Variants in ST3GAL1 observed in about 807,000 individuals in gnomAD.
The protein encoded by ST3GAL1 is CMP-N-acetylneuraminate-beta-galactosamide-alpha-2,3-sialyltransferase 1.
A neutral mutation model predicts 34.1 loss-of-function variants in ST3GAL1; 16 were observed. That is an observed-to-expected ratio of 0.47 (90% confidence interval 0.32 to 0.71). ST3GAL1 has a LOEUF of 0.71. Among genes scored for constraint, ST3GAL1 ranks in the 30% least tolerant of loss-of-function variants. The probability of loss-of-function intolerance (pLI) is 0.04; values close to 1 mark genes in which losing one functional copy is unlikely to be tolerated. For synonymous variants in ST3GAL1, 191 were observed against 184.7 expected (o/e 1.03, Z -0.28); for missense variants, 353 against 447.4 (o/e 0.79, Z 1.90).
At chr8:133,533,202 C>T (rs1268597998) in intron 2 of ST3GAL1, among the ~76,000 whole-genome samples, 1 of 152,126 alleles carries the variant, frequency 6.6e-6, no homozygotes, top group Non-Finnish European at 1.5e-5. Flanking sequence ...AATTCCAAAC[C>T]TCAGAGTTGT....
At position 133,467,088 on chromosome 8, in the gene ST3GAL1, C is replaced by A. The variant is rs974295116; in HGVS notation, c.307-998G>T. Among the ~76,000 whole-genome samples, 1 of 148,766 alleles carries A rather than the reference C, an allele frequency of 6.7e-6. No homozygotes were observed. The highest frequency in any genetic ancestry group is 6.7e-5 in the Admixed American group (1 of 14,862). On this transcript the variant is annotated intron_variant, in intron 5 of 9. Transcript: ENST00000522652. The surrounding 1 kb of genome is among the most constrained non-coding windows in gnomAD (Gnocchi z 4.2). ...TCAGCCTGGGTGACAGAGCGAGACT[C>A]CAACTCGAAAAAAAAAAAAAAAAGA...
intron 2 of ST3GAL1, among the ~76,000 whole-genome samples, chr8:133,538,051 C>T (rs989048619): frequency 2.0e-5 from 3 of 152,134 alleles, no homozygotes; most frequent in South Asian, 2.1e-4. Flanking sequence ...GAGGGCACTG[C>T]GGAACCATGG....
At chr8:133,513,181 C>A (rs1432023458) in intron 2 of ST3GAL1, among the ~76,000 whole-genome samples, 1 of 152,178 alleles carries the variant, frequency 6.6e-6, no homozygotes. Context: ...TGGAGTGCTA[C>A]CCCCACCCCA....
rs1815727259 is a variant in ST3GAL1, at chr8:133,466,145, G to A, written c.307-55C>T. The stretch of plus-strand genomic sequence containing the variant: ...CTGGCTTTGTGGCTCCAGCCTCCTG[G>A]CAGCAGAGCCCCTGAGCTACCTGCT... On this transcript the variant is annotated intron_variant, in intron 5 of 9. Transcript: ENST00000522652. The surrounding 1 kb of genome is among the most constrained non-coding windows in gnomAD (Gnocchi z 4.4). 1 of 1,549,764 alleles carries A rather than the reference G, an allele frequency of 6.5e-7. No homozygotes were observed. The highest frequency in any genetic ancestry group is 2.3e-5 in the East Asian group (1 of 43,994).
In ST3GAL1 at chr8:133,541,056, CATAT is replaced by C. The variant is rs370560450; in HGVS notation, c.-429+4714_-429+4717del. Among the ~76,000 whole-genome samples, 84 of 48,372 alleles carry C rather than the reference CATAT, an allele frequency of 1.7e-3. 4 individuals carry two copies. Among genetic ancestry groups the C allele is most frequent in the Middle Eastern group, 0.019 (1 of 54 alleles). 31.7% of individuals were successfully genotyped at this position (48,372 alleles called of 152,430 possible). A position where few individuals can be genotyped will look rare whatever the true frequency, so the allele number is the denominator to read the frequency against. ...AGACATATATAGACATATATATAGA[CATAT>C]ATATATAGACATATATATAGACATA... is the stretch of plus-strand genomic sequence containing the variant. On this transcript the variant is annotated intron_variant, in intron 2 of 9. Transcript: ENST00000522652.
At chr8:133,505,690 C>T (rs1045514263) in intron 2 of ST3GAL1, among the ~76,000 whole-genome samples, 2 of 151,834 alleles carry the variant, frequency 1.3e-5, no homozygotes, top group Admixed American at 1.3e-4. Flanking sequence ...GCAATCTCCA[C>T]CTCCTGGGTT....
chr8:133,551,407 G>A (rs1482810381), intron 1 of ST3GAL1, among the ~76,000 whole-genome samples: 1 of 151,784 alleles, frequency 6.6e-6, no homozygotes, highest in African/African-American at 2.4e-5. Flanking sequence ...GGCAGAGGTT[G>A]CAGTGAGCTG....
chr8:133,463,636 G>T (rs944891648), intron 7 of ST3GAL1, among the ~76,000 whole-genome samples, 177 bp from the exon 8 acceptor site: 4 of 152,088 alleles, frequency 2.6e-5, no homozygotes, highest in Admixed American at 1.3e-4. Flanking sequence ...CCCACAGCAA[G>T]CCCCAATAGA....
intron 2 of ST3GAL1, among the ~76,000 whole-genome samples, chr8:133,523,791 G>A (rs574404174): frequency 3.5e-4 from 53 of 152,320 alleles, no homozygotes; most frequent in African/African-American, 1.3e-3. Context: ...TCTATCCCTC[G>A]TCCTCGTCTC....
chr8:133,505,834 C>T (rs1375416628), intron 2 of ST3GAL1, among the ~76,000 whole-genome samples: 4 of 152,086 alleles, frequency 2.6e-5, no homozygotes, highest in African/African-American at 7.2e-5. Flanking sequence ...AACTCCTGAC[C>T]CCACAATCCA....
intron 3 of ST3GAL1, among the ~76,000 whole-genome samples, chr8:133,481,401 T>C (rs774744745): frequency 3.5e-4 from 54 of 152,240 alleles, no homozygotes; most frequent in Non-Finnish European, 1.2e-4. Flanking sequence ...CTATCTCCAA[T>C]TTCTGTCTCC....
intron 3 of ST3GAL1, among the ~76,000 whole-genome samples, chr8:133,478,997 T>C (rs1462572551): frequency 6.6e-6 from 1 of 152,190 alleles, no homozygotes; most frequent in Admixed American, 6.5e-5. Context: ...CTGAGTCACA[T>C]TTCCATTCTC....
chr8:133,460,817 C>T (rs1277761971), intron 9 of ST3GAL1, among the ~76,000 whole-genome samples: 2 of 151,800 alleles, frequency 1.3e-5, no homozygotes, highest in African/African-American at 4.8e-5. Context: ...ACAAGATGAC[C>T]AGAAGGAATT....
intron 1 of ST3GAL1, among the ~76,000 whole-genome samples, chr8:133,557,198 T>C (rs914609085): frequency 6.6e-6 from 1 of 152,160 alleles, no homozygotes; most frequent in African/African-American, 2.4e-5. Context: ...GGGAGGCAGA[T>C]GCCAGAATTC....
Position 133,463,224 on chromosome 8 carries a change from G to A in ST3GAL1, c.729+190C>T, listed in dbSNP as rs370504564. On this transcript the variant is annotated intron_variant, in intron 8 of 9. Coordinates refer to ENST00000522652, the MANE Select transcript of ST3GAL1 (RefSeq NM_173344.3). ...AACTCCCGGGTGATGCTGCTGGCCC[G>A]GGGGACCCCACTTTGAGAATCTCTC... Among the ~76,000 whole-genome samples, 11 of 152,334 alleles carry A rather than the reference G, an allele frequency of 7.2e-5. No individual in the cohort carries two copies. The South Asian group carries it at 1.0e-3, about 14-fold the overall frequency.
At position 133,457,826 on chromosome 8, in the gene ST3GAL1, G is replaced by A. The variant is rs1190919207; in HGVS notation, c.*1938C>T. 6.6e-6 allele frequency: 1 copy of A among 152,252 alleles called. No individual in the cohort carries two copies. Among genetic ancestry groups the A allele is most frequent in the Non-Finnish European group, 1.5e-5 (1 of 68,052 alleles). 9.4% of individuals were successfully genotyped at this position (152,252 alleles called of 1,614,324 possible). A position where few individuals can be genotyped will look rare whatever the true frequency, so the allele number is the denominator to read the frequency against. On this transcript the variant is annotated 3_prime_UTR_variant, in exon 10 of 10. Coordinates refer to ENST00000522652, the MANE Select transcript of ST3GAL1 (RefSeq NM_173344.3). ...CCAAGTTCCTCCCTCCCCGTGTGCAGAGGGGGCTCCCCCGAGCCTGGGAGC... is the reference window on the plus strand; with the variant it reads ...CCAAGTTCCTCCCTCCCCGTGTGCAAAGGGGGCTCCCCCGAGCCTGGGAGC...
At chr8:133,529,038 GA>G (rs1007820308) in intron 2 of ST3GAL1, among the ~76,000 whole-genome samples, 5 of 152,370 alleles carry the variant, frequency 3.3e-5, no homozygotes, top group African/African-American at 1.2e-4. Flanking sequence ...AGCTAGTAGA[GA>G]AACACAGCAC....
rs1196542205 is a variant in ST3GAL1 at position 133,493,586 on chromosome 8, C to T, written c.-374+5549G>A. 2.6e-5 allele frequency among the ~76,000 whole-genome samples: 4 copies of T among 152,204 alleles called. No individual in the cohort carries two copies. The East Asian group carries it at 5.8e-4, about 22-fold the overall frequency. ...CCCTGACTGGGCGTGGTGGCTCATG[C>T]CTGTAATCCCAACATTTTGGGAGAC... is the stretch of plus-strand genomic sequence containing the variant. On this transcript the variant is annotated intron_variant, in intron 3 of 9. Coordinates refer to ENST00000522652, the MANE Select transcript of ST3GAL1 (RefSeq NM_173344.3).
Position 133,466,131 on chromosome 8 carries a change from G to A in ST3GAL1, c.307-41C>T, listed in dbSNP as rs751982996. 2 of 1,572,414 alleles carry A rather than the reference G, an allele frequency of 1.3e-6. No individual in the cohort carries two copies. The highest frequency in any genetic ancestry group is 1.2e-5 in the South Asian group (1 of 86,144). On this transcript the variant is annotated intron_variant, in intron 5 of 9. Transcript: ENST00000522652. The surrounding 1 kb of genome is among the most constrained non-coding windows in gnomAD (Gnocchi z 4.4). ...AGAAGGTGGTCAACCTGGCTTTGTG[G>A]CTCCAGCCTCCTGGCAGCAGAGCCC...
Sources: allele counts gnomAD v4.1 joint callset (sites outside exome capture counted in the v4.1 genomes callset), GRCh38; gene constraint gnomAD v4.1.1; non-coding constraint Gnocchi (gnomAD v3.1); transcripts MANE v1.5; gene names NCBI Gene and HGNC (gene_info 2026-07-23, HGNC 2026-07-21).